TRAF3IP1: variants seen among roughly 807,000 people sequenced by gnomAD.
TRAF3IP1 encodes TRAF3-interacting protein 1.
TRAF3IP1 carries 53 observed loss-of-function variants against 89.9 expected under a neutral mutation model. The ratio of observed to expected loss-of-function variants is 0.59; its 90% confidence interval spans 0.47 to 0.74. The LOEUF is 0.74. TRAF3IP1 is among the 30% of genes least tolerant of loss of function. The probability of loss-of-function intolerance (pLI) is 0.00; values close to 1 mark genes in which losing one functional copy is unlikely to be tolerated. For synonymous variants in TRAF3IP1, 311 were observed against 322.1 expected, an observed-to-expected ratio of 0.97 and a Z score of 0.37; for missense variants, 806 against 866.1, an observed-to-expected ratio of 0.93 and a Z score of 0.87.
At position 238,348,842 on chromosome 2, in the gene TRAF3IP1, A is replaced by G. The variant is rs1336125368; in HGVS notation, c.1361A>G (p.Asn454Ser). 6.2e-6 allele frequency: 10 copies of G among 1,613,902 alleles called. No individual in the cohort carries two copies. The East Asian group carries it at 1.1e-4, about 18-fold the overall frequency. The change falls in exon 11 of 17, where the codon AAC becomes AGC. Residue 454 changes from asparagine to serine, a missense_variant. Coordinates refer to ENST00000373327, the MANE Select transcript of TRAF3IP1 (RefSeq NM_015650.4). ...GAAATTCCTAATGAGCTTTCATCCA[A>G]CATCAGGTCTGTGTGCTTTGAATCC... Reference protein sequence around the residue: ...TPEIPNELSSNIRRIPRPGSA... With the variant: ...TPEIPNELSSSIRRIPRPGSA...
In TRAF3IP1 at chr2:238,345,146, G is replaced by C. The variant is rs901750740; in HGVS notation, c.1261+548G>C. 2.0e-5 allele frequency among the ~76,000 whole-genome samples: 3 copies of C among 152,228 alleles called. No homozygotes were observed. Among genetic ancestry groups the C allele is most frequent in the Non-Finnish European group, 4.4e-5 (3 of 68,038 alleles). On this transcript the variant is annotated intron_variant, in intron 9 of 16. Coordinates refer to ENST00000373327, the MANE Select transcript of TRAF3IP1 (RefSeq NM_015650.4). The surrounding 1 kb of genome is among the most constrained non-coding windows in gnomAD (Gnocchi z 4.7). ...ACCAGTGCCCAGGTAACCAAGGCTT[G>C]TGCAGGTGGCAGCGGCAGGGTGGGG... is the stretch of plus-strand genomic sequence containing the variant.
Position 238,332,970 on chromosome 2 carries a change from C to T in TRAF3IP1, c.987+75C>T, listed in dbSNP as rs150729253. ...GAAATAGTGAATGCTGTGCGCTCCC[C>T]GGGTCCACTGAGGCATGGAAGGAGC... On this transcript the variant is annotated intron_variant, in intron 6 of 16. Transcript: ENST00000373327. The T allele has an allele frequency of 3.2e-4, 357 of 1,122,866 alleles. 2 individuals are homozygous for T. In the African/African-American group the frequency reaches 4.4e-3, roughly 14 times the overall value. The allele number at this position is 1,122,866 out of a possible 1,614,324, so 69.6% of individuals were successfully genotyped here. A position where few individuals can be genotyped will look rare whatever the true frequency, so the allele number is the denominator to read the frequency against.
chr2:238,384,619 G>A (rs1182261379), intron 15 of TRAF3IP1, among the ~76,000 whole-genome samples: 1 of 140,052 alleles, frequency 7.1e-6, no homozygotes, highest in Admixed American at 7.9e-5. Context: ...TCCTGACCTT[G>A]TGATCTGCCC....
At chr2:238,367,345 G>A (rs769803856) in intron 15 of TRAF3IP1, among the ~76,000 whole-genome samples, 12 of 152,040 alleles carry the variant, frequency 7.9e-5, no homozygotes, top group African/African-American at 1.7e-4. Context: ...AAGCCTCAGC[G>A]CCCTGCAACA....
rs150573177 is a variant in TRAF3IP1, at chr2:238,359,005, G to A, written c.1689+2925G>A. Among the ~76,000 whole-genome samples, 112 of 152,330 alleles carry A rather than the reference G, an allele frequency of 7.4e-4. 1 individual carries two copies. Among genetic ancestry groups the A allele is most frequent in the African/African-American group, 2.6e-3 (106 of 41,562 alleles). On this transcript the variant is annotated intron_variant, in intron 15 of 16. Coordinates refer to ENST00000373327, the MANE Select transcript of TRAF3IP1 (RefSeq NM_015650.4). Reference sequence around the variant, plus strand: ...CTTGCAACTATTGAATTCTGCCGATGTGGCATGAATGCAGCCGCAGCATTA... The same window carrying A: ...CTTGCAACTATTGAATTCTGCCGATATGGCATGAATGCAGCCGCAGCATTA...
intron 15 of TRAF3IP1, among the ~76,000 whole-genome samples, chr2:238,365,589 T>G (rs1317647827): frequency 2.0e-5 from 3 of 151,874 alleles, no homozygotes; most frequent in Non-Finnish European, 4.4e-5. Context: ...GCCCACAAGT[T>G]TGAGGCCGCA....
At position 238,400,485 on chromosome 2, in the gene TRAF3IP1, A is replaced by G. The variant is rs957515112; in HGVS notation, c.*1566A>G. The G allele has an allele frequency of 1.3e-5, 2 of 152,228 alleles. No individual in the cohort carries two copies. The highest frequency in any genetic ancestry group is 2.9e-5 in the Non-Finnish European group (2 of 68,042). The allele number at this position is 152,228 out of a possible 1,614,324, so 9.4% of individuals were successfully genotyped here. A position where few individuals can be genotyped will look rare whatever the true frequency, so the allele number is the denominator to read the frequency against. Reference sequence around the variant, plus strand: ...ATAAATTCTGTACTCAGGTTGTTATATGATTTTCTGAGCTGAATAAGTTCA... The same window carrying G: ...ATAAATTCTGTACTCAGGTTGTTATGTGATTTTCTGAGCTGAATAAGTTCA... On this transcript the variant is annotated 3_prime_UTR_variant, in exon 17 of 17. Transcript: ENST00000373327.
chr2:238,373,599 T>G (rs1373143337), intron 15 of TRAF3IP1, among the ~76,000 whole-genome samples: 1 of 152,212 alleles, frequency 6.6e-6, no homozygotes, highest in African/African-American at 2.4e-5. Flanking sequence ...TTGCTTAGGA[T>G]CGTCTTGGCA....
Position 238,398,944 on chromosome 2 carries a change from AAGT to A in TRAF3IP1, c.*26_*28del, listed in dbSNP as rs765101990. The A allele has an allele frequency of 8.6e-5, 135 of 1,573,718 alleles. No homozygotes were observed. The highest frequency in any genetic ancestry group is 8.7e-5 in the Non-Finnish European group (101 of 1,165,622). ...AACACTCAAAAGTTTCAGAGATGAA[AAGT>A]CACCTCAGTTTAAAAGCAAAAAGGA... On this transcript the variant is annotated 3_prime_UTR_variant, in exon 17 of 17. Transcript: ENST00000373327.
chr2:238,320,686 G>A lies in TRAF3IP1; in HGVS notation c.24G>A (p.Arg8=). 7 of 1,417,058 alleles carry A rather than the reference G, an allele frequency of 4.9e-6. No homozygotes were observed. Among genetic ancestry groups the A allele is most frequent in the Non-Finnish European group, 6.5e-6 (7 of 1,070,974 alleles). 87.8% of individuals were successfully genotyped at this position (1,417,058 alleles called of 1,614,324 possible). A position where few individuals can be genotyped will look rare whatever the true frequency, so the allele number is the denominator to read the frequency against. Residue 8 remains arginine (R), a synonymous_variant, in exon 1 of 17, where the codon CGG becomes CGA. Transcript: ENST00000373327. Reference sequence around the variant, plus strand: ...TCATGAACGCGGCGGTGGTGAGGCGGACGCAGGAGGCGCTGGGGAAAGTGA... The same window carrying A: ...TCATGAACGCGGCGGTGGTGAGGCGAACGCAGGAGGCGCTGGGGAAAGTGA... The part of the protein sequence containing the change: MNAAVVR[R]TQEALGKVIR...
Position 238,345,902 on chromosome 2 carries a change from G to A in TRAF3IP1, c.1261+1304G>A, listed in dbSNP as rs1698870856. ...GGAGGATGGTGTGGGCCATGTGGCAGGTGCCTTGGGTTCTGGGTAACGGGG... is the reference window on the plus strand; with the variant it reads ...GGAGGATGGTGTGGGCCATGTGGCAAGTGCCTTGGGTTCTGGGTAACGGGG... On this transcript the variant is annotated intron_variant, in intron 9 of 16. Transcript: ENST00000373327. The surrounding 1 kb of genome is among the most constrained non-coding windows in gnomAD (Gnocchi z 4.7). Among the ~76,000 whole-genome samples, 1 of 152,158 alleles carries A rather than the reference G, an allele frequency of 6.6e-6. No individual in the cohort carries two copies.
chr2:238,390,260 T>C (rs1700939387), intron 15 of TRAF3IP1, among the ~76,000 whole-genome samples: 1 of 152,142 alleles, frequency 6.6e-6, no homozygotes, highest in African/African-American at 2.4e-5. Context: ...AAAGGTGCCG[T>C]GGGTGGTTCT....
intron 15 of TRAF3IP1, among the ~76,000 whole-genome samples, chr2:238,356,873 G>C (rs998396854): frequency 6.6e-6 from 1 of 151,814 alleles, no homozygotes; most frequent in East Asian, 1.9e-4. Context: ...CCGCCTCCCG[G>C]GTTCACGCCA....
At chr2:238,387,288 T>C (rs1312008908) in intron 15 of TRAF3IP1, among the ~76,000 whole-genome samples, 1 of 152,224 alleles carries the variant, frequency 6.6e-6, no homozygotes, top group African/African-American at 2.4e-5. Flanking sequence ...ATTCGTCTAA[T>C]GAGCAGCGGT....
chr2:238,361,561 C>T (rs1055690557), intron 15 of TRAF3IP1, among the ~76,000 whole-genome samples: 2 of 151,982 alleles, frequency 1.3e-5, no homozygotes, highest in Non-Finnish European at 2.9e-5. Context: ...GGTAGCCAGC[C>T]AAGGCTTCCT....
rs1318134321 is a variant in TRAF3IP1, at chr2:238,320,806, C to A, written c.123+21C>A. 7 of 1,392,846 alleles carry A rather than the reference C, an allele frequency of 5.0e-6. No homozygotes were observed. The South Asian group carries it at 1.0e-4, about 20-fold the overall frequency. 86.3% of individuals were successfully genotyped at this position (1,392,846 alleles called of 1,614,324 possible). On this transcript the variant is annotated intron_variant, in intron 1 of 16. Transcript: ENST00000373327. ...CGGAGGTGGGCGCCGGGGACCGGGC[C>A]CGGCCAGGTGCGGGTCGGGATTCCG...
chr2:238,394,837 C>T (rs1212614917), intron 15 of TRAF3IP1, among the ~76,000 whole-genome samples: 1 of 152,216 alleles, frequency 6.6e-6, no homozygotes, highest in African/African-American at 2.4e-5. Flanking sequence ...AATTCTTAGG[C>T]AGAGCTTATG....
At chr2:238,364,319 C>T (rs1420814078) in intron 15 of TRAF3IP1, among the ~76,000 whole-genome samples, 3 of 151,870 alleles carry the variant, frequency 2.0e-5, no homozygotes, top group African/African-American at 7.3e-5. Flanking sequence ...TTGCTTTAAG[C>T]GTTTTCTTCA....
chr2:238,397,652 AC>A lies in TRAF3IP1; in HGVS notation c.1884del (p.His628GlnfsTer19). 1 of 1,604,580 alleles carries A rather than the reference AC, an allele frequency of 6.2e-7. No homozygotes were observed. The highest frequency in any genetic ancestry group is 8.5e-7 in the Non-Finnish European group (1 of 1,176,096). ...ATGTGGCACAGCGAGAACAGGCAGC[AC>A]GCCGAGGCCCTGCAGCAGGAGCAGA... ...LQMWHSENRQHAEALQQEQRI... is the reference protein window; with the variant it reads ...LQMWHSENRQXAEALQQEQRI... On this transcript the variant is annotated frameshift_variant, in exon 16 of 17. Transcript: ENST00000373327. LOFTEE classifies it high-confidence loss of function.
Sources: gnomAD v4.1 joint callset for allele counts (sites outside exome capture counted in the v4.1 genomes callset) on GRCh38, gnomAD v4.1.1 for gene constraint, Gnocchi (gnomAD v3.1) non-coding constraint, MANE v1.5 for transcripts, NCBI Gene and HGNC (gene_info 2026-07-23, HGNC 2026-07-21) for gene names.